Variants in ATRN observed in about 807,000 individuals in gnomAD.
ATRN encodes the protein attractin-2.
Under a neutral mutation model 178.7 loss-of-function variants are expected in ATRN, and 54 were observed. The ratio of observed to expected loss-of-function variants is 0.30; its 90% CI spans 0.24 to 0.38. The LOEUF is 0.38. Among genes scored for constraint, ATRN ranks in the 10% least tolerant of loss-of-function variants. The pLI is 1.00. For missense variants in ATRN, 1,443 were observed against 1,815.1 expected (o/e 0.79, Z 3.73); for synonymous variants, 636 against 663.0 (o/e 0.96, Z 0.63).
intron 24 of ATRN, among the ~76,000 whole-genome samples, chr20:3,620,027 C>T (rs145703646): frequency 6.6e-6 from 1 of 152,140 alleles, no homozygotes; most frequent in Admixed American, 6.5e-5. Context: ...GGTTTGGGCC[C>T]TGCCTCTCCT....
intron 25 of ATRN, chr20:3,628,940 T>G: frequency 1.0e-6 from 1 of 985,364 alleles, no homozygotes; most frequent in Non-Finnish European, 1.2e-6. Flanking sequence ...GTTCTCTGAC[T>G]GGACTCTGCC....
In ATRN at chr20:3,549,249, A is replaced by G. The variant is rs2085753403; in HGVS notation, c.1023A>G (p.Arg341=). Residue 341 remains arginine, a synonymous_variant, in exon 6 of 29, where the codon AGA becomes AGG. Transcript: ENST00000262919. The stretch of plus-strand genomic sequence containing the variant: ...AATATTCTAACTTAAAGCTCCCCAG[A>G]GCATCTCATAAAGCTGTGGTCAATG... The part of the protein sequence containing the change: ...REEYSNLKLP[R]ASHKAVVNGN... 6.2e-7 allele frequency: 1 copy of G among 1,610,900 alleles called. No individual in the cohort carries two copies. Among genetic ancestry groups the G allele is most frequent in the Non-Finnish European group, 8.5e-7 (1 of 1,178,694 alleles).
intron 3 of ATRN, among the ~76,000 whole-genome samples, chr20:3,541,267 C>T (rs1490712291): frequency 3.3e-5 from 5 of 151,726 alleles, no homozygotes; most frequent in East Asian, 3.9e-4. Flanking sequence ...TTAGTAGAGA[C>T]GGGGTTTCAC....
chr20:3,484,616 C>T (rs1001795799), intron 1 of ATRN, among the ~76,000 whole-genome samples: 6 of 152,068 alleles, frequency 3.9e-5, no homozygotes, highest in Admixed American at 2.0e-4. Flanking sequence ...GTTCTTAACT[C>T]TTGGCTCCCC....
chr20:3,478,038 C>G (rs902209112), intron 1 of ATRN, among the ~76,000 whole-genome samples: 1 of 152,186 alleles, frequency 6.6e-6, no homozygotes, highest in Non-Finnish European at 1.5e-5. Flanking sequence ...TAGCAGTAAT[C>G]TTTGGCTCTT....
At chr20:3,475,324 A>G (rs533216544) in intron 1 of ATRN, among the ~76,000 whole-genome samples, 180 of 152,336 alleles carry the variant, frequency 1.2e-3, no homozygotes, top group African/African-American at 4.1e-3. Flanking sequence ...CACTGAGTGC[A>G]GACTATGTGC....
chr20:3,555,710 G>A (rs972177507), intron 6 of ATRN, among the ~76,000 whole-genome samples: 1 of 152,112 alleles, frequency 6.6e-6, no homozygotes, highest in Non-Finnish European at 1.5e-5. Context: ...ATAGAAATTC[G>A]ATAAACTTGT....
intron 1 of ATRN, among the ~76,000 whole-genome samples, chr20:3,489,062 G>A (rs1477975456): frequency 1.3e-5 from 2 of 152,108 alleles, no homozygotes; most frequent in African/African-American, 4.8e-5. Flanking sequence ...CTGGGTTCAA[G>A]CAATTCTCCT....
At chr20:3,504,028 A>T (rs1429375834) in intron 1 of ATRN, among the ~76,000 whole-genome samples, 1 of 152,190 alleles carries the variant, frequency 6.6e-6, no homozygotes, top group African/African-American at 2.4e-5. Context: ...ATCTGAAAAC[A>T]TGGAGGCCAT....
chr20:3,519,021 G>GA lies in ATRN; in HGVS notation c.411-16229dup, dbSNP rs1310146148. ...TCCTTATATATAAAAAAAAAAAAAA[G>GA]AAAGAAAACTGTAGGATCTGGTTCT... On this transcript the variant is annotated intron_variant, in intron 1 of 28. Coordinates refer to ENST00000262919, the MANE Select transcript of ATRN (RefSeq NM_139321.3). 7.0e-4 allele frequency among the ~76,000 whole-genome samples: 91 copies of GA among 130,684 alleles called. 2 individuals carry two copies. Among genetic ancestry groups the GA allele is most frequent in the African/African-American group, 2.4e-3 (86 of 35,414 alleles). 85.7% of individuals were successfully genotyped at this position (130,684 alleles called of 152,430 possible).
chr20:3,493,681 A>G (rs2084838815), intron 1 of ATRN, among the ~76,000 whole-genome samples: 1 of 152,180 alleles, frequency 6.6e-6, no homozygotes, highest in South Asian at 2.1e-4. Context: ...CAAGCTAGGC[A>G]TCCACACGGC....
intron 6 of ATRN, among the ~76,000 whole-genome samples, chr20:3,556,403 GT>G (rs2085877119): frequency 6.6e-6 from 1 of 152,202 alleles, no homozygotes; most frequent in African/African-American, 2.4e-5. Flanking sequence ...GCCTCAGGTA[GT>G]TCTGTGCTAT....
intron 10 of ATRN, among the ~76,000 whole-genome samples, chr20:3,563,737 G>C (rs2039267338): frequency 6.6e-6 from 1 of 151,998 alleles, no homozygotes; most frequent in South Asian, 2.1e-4. Context: ...TTTCTCACAT[G>C]GTCTTGGTGT....
At chr20:3,483,807 A>G in intron 1 of ATRN, among the ~76,000 whole-genome samples, 1 of 152,316 alleles carries the variant, frequency 6.6e-6, no homozygotes, top group Non-Finnish European at 1.5e-5. Context: ...TTTCAAAAAA[A>G]AACAGATTTA....
intron 11 of ATRN, among the ~76,000 whole-genome samples, chr20:3,568,163 C>T (rs1369272390): frequency 1.3e-5 from 2 of 151,520 alleles, no homozygotes; most frequent in Admixed American, 6.6e-5. Context: ...TGGTGGCGGG[C>T]GCATGTAGTC....
rs1307722255 is a variant in ATRN, at chr20:3,630,964, T to TTTTTTTTTTTTTTTTG, written c.3864-3347_3864-3346insTTTTTTTTTTTTTTTG. 2.4e-4 allele frequency among the ~76,000 whole-genome samples: 18 copies of TTTTTTTTTTTTTTTTG among 73,470 alleles called. 5 individuals are homozygous for TTTTTTTTTTTTTTTTG. Among genetic ancestry groups the TTTTTTTTTTTTTTTTG allele is most frequent in the Non-Finnish European group, 3.8e-4 (15 of 39,826 alleles). The allele number at this position is 73,470 out of a possible 152,430, so 48.2% of individuals were successfully genotyped here. A position where few individuals can be genotyped will look rare whatever the true frequency, so the allele number is the denominator to read the frequency against. On this transcript the variant is annotated intron_variant, in intron 25 of 28. Coordinates refer to ENST00000262919, the MANE Select transcript of ATRN (RefSeq NM_139321.3). ...TTTTTTTTTTTTTTTTTTTTTTTTTTGGGATAGGGTCTCTGTTGCCCAGGC... is the reference window on the plus strand; with the variant it reads ...TTTTTTTTTTTTTTTTTTTTTTTTTTTTTTTTTTTTTTTTTGGGGATAGGGTCTCTGTTGCCCAGGC...
At chr20:3,623,766 A>G (rs527280649) in intron 24 of ATRN, among the ~76,000 whole-genome samples, 7 of 152,290 alleles carry the variant, frequency 4.6e-5, no homozygotes, top group Admixed American at 3.9e-4. Flanking sequence ...TATTTAATCA[A>G]TTTGGAGGTA....
At chr20:3,472,248 G>T (rs559256119) in intron 1 of ATRN, among the ~76,000 whole-genome samples, 2 of 152,176 alleles carry the variant, frequency 1.3e-5, no homozygotes, top group African/African-American at 4.8e-5. Context: ...AGCAGTTATC[G>T]TTATTTGCTT....
rs1261212683 is a variant in ATRN, at chr20:3,646,809, A to AAGC, written c.4259_4261dup (p.Gln1420dup). The AAGC allele has an allele frequency of 6.2e-6, 10 of 1,612,766 alleles. No individual in the cohort carries two copies. The highest frequency in any genetic ancestry group is 8.5e-6 in the Non-Finnish European group (10 of 1,179,620). On this transcript the variant is annotated inframe_insertion, in exon 29 of 29. Coordinates refer to ENST00000262919, the MANE Select transcript of ATRN (RefSeq NM_139321.3). The stretch of plus-strand genomic sequence containing the variant: ...GAAGTCAGGAGCCGTGAGAAACCGG[A>AAGC]AGCAGCAGCCCCCTGCACAGCCTGG...
Sources: allele counts gnomAD v4.1 joint callset (sites outside exome capture counted in the v4.1 genomes callset), GRCh38; gene constraint gnomAD v4.1.1; transcripts MANE v1.5; gene names NCBI Gene and HGNC (gene_info 2026-07-23, HGNC 2026-07-21).